Variants in ERCC1 observed in about 807,000 individuals in gnomAD.
ERCC1 encodes DNA excision repair protein ERCC-1.
ERCC1 carries 36 observed loss-of-function variants against 37.6 expected under a neutral mutation model. The observed-to-expected ratio is 0.96, with a 90% CI of 0.73 to 1.26. ERCC1 has a LOEUF of 1.26. Ranked by LOEUF, ERCC1 falls within the 50% of genes most tolerant of loss-of-function variation. The pLI is 0.00. For synonymous variants in ERCC1, 156 were observed against 162.1 expected, an observed-to-expected ratio of 0.96 and a Z score of 0.28; for missense variants, 349 against 376.5, an observed-to-expected ratio of 0.93 and a Z score of 0.60.
intron 1 of ERCC1, 112 bp from the exon 2 acceptor site, chr19:45,423,493 C>T (rs1974568163): frequency 6.7e-7 from 1 of 1,501,618 alleles, no homozygotes; most frequent in Admixed American, 2.1e-5. Context: ...AGCTCCATAG[C>T]GTCAGGTCCC....
In ERCC1 at chr19:45,420,438, A is replaced by C. The variant is rs1393415999; in HGVS notation, c.322-11T>G. 1 of 1,582,568 alleles carries C rather than the reference A, an allele frequency of 6.3e-7. No individual in the cohort carries two copies. The highest frequency in any genetic ancestry group is 8.7e-7 in the Non-Finnish European group (1 of 1,153,324). ...TACGGGATTGCCCCTCTGGGGAGGG[A>C]CGAAGGGCAGAAGCCATCAATAGGG... On this transcript the variant is annotated splice_polypyrimidine_tract_variant and intron_variant, in intron 3 of 9. Transcript: ENST00000300853. The surrounding 1 kb of genome is among the most constrained non-coding windows in gnomAD (Gnocchi z 4.8).
At chr19:45,432,094 C>G (rs1246876940) in intron 1 of ERCC1, among the ~76,000 whole-genome samples, 1 of 152,012 alleles carries the variant, frequency 6.6e-6, no homozygotes, top group Admixed American at 6.6e-5. Flanking sequence ...GCCTCAGCCT[C>G]CCGAGTAGCT....
rs1376655763 is a variant in ERCC1 at position 45,420,171 on chromosome 19, C to T, written c.425+153G>A. Among the ~76,000 whole-genome samples the T allele has an allele frequency of 1.3e-5, 2 of 152,172 alleles. No homozygotes were observed. The highest frequency in any genetic ancestry group is 2.9e-5 in the Non-Finnish European group (2 of 68,028). On this transcript the variant is annotated intron_variant, in intron 4 of 9. Coordinates refer to ENST00000300853, the MANE Select transcript of ERCC1 (RefSeq NM_001983.4). This position sits in a 1 kb window ranked among gnomAD's most constrained non-coding sequence, Gnocchi z 4.8. ...GCACTGGGCACCTCCAGGCCAAGAC[C>T]CCCTGCCTCCAACACAGGGTCCCAC...
chr19:45,426,378 CAA>C (rs71173164), upstream of ERCC1, among the ~76,000 whole-genome samples: 6,611 of 55,154 alleles, frequency 0.12, 813 homozygotes, highest in African/African-American at 0.38. Context: ...GACTCTGTCT[CAA>C]AAAAAAAAAA....
In ERCC1 at chr19:45,408,228, C is replaced by T; in HGVS notation, c.*1447G>A. ...CGCTATCGAGTCCTCAGCAGCTGTC[C>T]CCAAGCTGGAGAAGCGACCCTGCTG... On this transcript the variant is annotated 3_prime_UTR_variant, in exon 10 of 10. Coordinates refer to ENST00000300853, the MANE Select transcript of ERCC1 (RefSeq NM_001983.4). 1 of 1,614,168 alleles carries T rather than the reference C, an allele frequency of 6.2e-7. No homozygotes were observed. The highest frequency in any genetic ancestry group is 8.5e-7 in the Non-Finnish European group (1 of 1,180,020).
chr19:45,414,777 A>G (rs1973950736), intron 7 of ERCC1, 84 bp downstream of exon 7: 1 of 927,960 alleles, frequency 1.1e-6, no homozygotes, highest in Non-Finnish European at 1.8e-6. Flanking sequence ...ATGAATGGAC[A>G]GTGCCTTAAA....
At position 45,409,420 on chromosome 19, in the gene ERCC1, G is replaced by C. The variant is rs199556175; in HGVS notation, c.*255C>G. The C allele has an allele frequency of 3.7e-6, 6 of 1,613,670 alleles. No homozygotes were observed. The highest frequency in any genetic ancestry group is 1.7e-5 in the Admixed American group (1 of 60,002). On this transcript the variant is annotated 3_prime_UTR_variant, in exon 10 of 10. Coordinates refer to ENST00000300853, the MANE Select transcript of ERCC1 (RefSeq NM_001983.4). ...TGCCCCAAGAGGAGATGCCAGGGCC[G>C]CCACTGAATTCAGAGTCTGGGGAGG...
chr19:45,436,888 T>G lies in ERCC1; in HGVS notation c.-7-13507A>C, dbSNP rs577419666. ...GGGAGGACCCCGTGAGACCAAGAGT[T>G]GGAGATCAACCTGGGCCATACAGTG... is the stretch of plus-strand genomic sequence containing the variant. On this transcript the variant is annotated intron_variant, in intron 1 of 8. Coordinates refer to the ERCC1 transcript ENST00000423698. Among the ~76,000 whole-genome samples the G allele has an allele frequency of 2.0e-5, 3 of 152,160 alleles. No individual in the cohort carries two copies. The South Asian group carries it at 6.2e-4, about 32-fold the overall frequency.
At position 45,421,322 on chromosome 19, in the gene ERCC1, G is replaced by A; in HGVS notation, c.177C>T (p.Thr59=). 1 of 1,614,118 alleles carries A rather than the reference G, an allele frequency of 6.2e-7. No individual in the cohort carries two copies. Among genetic ancestry groups the A allele is most frequent in the Non-Finnish European group, 8.5e-7 (1 of 1,180,032 alleles). Residue 59 remains threonine, a synonymous_variant, in exon 3 of 10, where the codon ACC becomes ACT. Transcript: ENST00000300853. ...GCTGTGAGATGGCATATTCGGCGTA[G>A]GTCTGAGGGGCCGCCTGGGCCGAGG... ...VDTSAQAAPQ[T]YAEYAISQPL... is the part of the protein sequence containing the mutation.
At chr19:45,414,353 T>C in intron 7 of ERCC1, 1 of 415,088 alleles carries the variant, frequency 2.4e-6, no homozygotes, top group Non-Finnish European at 4.5e-6. Context: ...TGTGGGCACC[T>C]GTAGTCCCAG....
chr19:45,414,014 G>A lies in ERCC1; in HGVS notation c.723C>T (p.Thr241=), dbSNP rs141279286. The A allele has an allele frequency of 2.5e-5, 40 of 1,613,426 alleles. No individual in the cohort carries two copies. The highest frequency in any genetic ancestry group is 3.3e-5 in the South Asian group (3 of 91,066). The change falls in exon 8 of 10, where the codon ACC becomes ACT. Residue 241 remains threonine (T), a synonymous_variant. Transcript: ENST00000300853. ...FVSRVTECLT[T]VKSVNKTDSQ... is the part of the protein sequence containing the mutation. ...TGTCCGTTTTGTTGACTGACTTCAC[G>A]GTGGTCAGACATTCAGTCACCTGGA...
chr19:45,441,053 T>C (rs1476778561), intron 1 of ERCC1, among the ~76,000 whole-genome samples: 2 of 152,170 alleles, frequency 1.3e-5, no homozygotes, highest in African/African-American at 4.8e-5. Flanking sequence ...CCACTAAGAT[T>C]CTTTCCTCCC....
rs1306507106 is a variant in ERCC1 at position 45,408,116 on chromosome 19, CCT to C, written c.*1557_*1558del. 1.5e-5 allele frequency: 24 copies of C among 1,577,554 alleles called. No homozygotes were observed. Among genetic ancestry groups the C allele is most frequent in the Admixed American group, 1.8e-5 (1 of 55,320 alleles). ...CTGTTCCACTTAAGCCTCTGCCCTCCCTGTTTCTCTCTGTAGCTTCAATGGGC... is the reference window on the plus strand; with the variant it reads ...CTGTTCCACTTAAGCCTCTGCCCTCCGTTTCTCTCTGTAGCTTCAATGGGC... On this transcript the variant is annotated 3_prime_UTR_variant, in exon 10 of 10. Coordinates refer to ENST00000300853, the MANE Select transcript of ERCC1 (RefSeq NM_001983.4).
Position 45,416,848 on chromosome 19 carries a change from G to A in ERCC1, c.575C>T (p.Ala192Val), listed in dbSNP as rs1225648719. ...LKELAKMCIL[A>V]DCTLILAWSP... is the part of the protein sequence containing the mutation. ...CCAGGCGAGGATCAATGTGCAGTCG[G>A]CCAGGATACACATCTTAGCCAGCTC... Residue 192 changes from alanine (A) to valine (V), a missense_variant, in exon 6 of 10, where the codon GCC becomes GTC. Physicochemically the swap from Ala to Val is moderately conservative, Grantham distance 64 (BLOSUM62 0). Coordinates refer to ENST00000300853, the MANE Select transcript of ERCC1 (RefSeq NM_001983.4). 1 of 1,613,698 alleles carries A rather than the reference G, an allele frequency of 6.2e-7. No individual in the cohort carries two copies. The highest frequency in any genetic ancestry group is 2.2e-5 in the East Asian group (1 of 44,850).
At chr19:45,425,473 C>T (rs1974664411), upstream of ERCC1, among the ~76,000 whole-genome samples, 1 of 151,926 alleles carries the variant, frequency 6.6e-6, no homozygotes, top group Non-Finnish European at 1.5e-5. Context: ...ACTGCAACCT[C>T]CGCCACCCAC....
chr19:45,415,266 C>T lies in ERCC1; in HGVS notation c.603-306G>A, dbSNP rs147501127. ...AGGAGAATCGCCTGAACCCGGGAGG[C>T]GGAGGTTGCAGTGAGCCAAGATCAC... On this transcript the variant is annotated intron_variant, in intron 6 of 9. Transcript: ENST00000300853. 7.9e-3 allele frequency among the ~76,000 whole-genome samples: 1,046 copies of T among 132,976 alleles called. 7 individuals are homozygous for T. Among genetic ancestry groups the T allele is most frequent in the African/African-American group, 0.028 (979 of 34,984 alleles). The allele number at this position is 132,976 out of a possible 152,430, so 87.2% of individuals were successfully genotyped here.
chr19:45,413,166 G>A (rs1973843624), intron 9 of ERCC1, among the ~76,000 whole-genome samples: 1 of 152,200 alleles, frequency 6.6e-6, no homozygotes, highest in Non-Finnish European at 1.5e-5. Context: ...ATGTTTTCTT[G>A]TAGACGTTTC....
chr19:45,408,214 C>G lies in ERCC1; in HGVS notation c.*1461G>C, dbSNP rs146656316. ...CAGGCAAGCGGCACCGCTATCGAGT[C>G]CTCAGCAGCTGTCCCCAAGCTGGAG... On this transcript the variant is annotated 3_prime_UTR_variant, in exon 10 of 10. Transcript: ENST00000300853. The G allele has an allele frequency of 1.3e-3, 2,062 of 1,614,048 alleles. 5 individuals are homozygous for G. The highest frequency in any genetic ancestry group is 3.8e-3 in the Middle Eastern group (23 of 6,084).
chr19:45,408,607 G>T lies in ERCC1; in HGVS notation c.*1068C>A. On this transcript the variant is annotated 3_prime_UTR_variant, in exon 10 of 10. Transcript: ENST00000300853. The stretch of plus-strand genomic sequence containing the variant: ...CGCCAGAAATGGATGTGCGGAAGAA[G>T]AAGAAGAAAAAAAATCAGCAGCTGA... The T allele has an allele frequency of 6.2e-7, 1 of 1,613,740 alleles. No homozygotes were observed. The highest frequency in any genetic ancestry group is 8.5e-7 in the Non-Finnish European group (1 of 1,180,010).
Sources: allele counts gnomAD v4.1 joint callset (sites outside exome capture counted in the v4.1 genomes callset), GRCh38; gene constraint gnomAD v4.1.1; non-coding constraint Gnocchi (gnomAD v3.1); transcripts MANE v1.5; gene names NCBI Gene and HGNC (gene_info 2026-07-23, HGNC 2026-07-21).